SLC30A10: variants seen among roughly 807,000 people sequenced by gnomAD.
SLC30A10 encodes the protein calcium/manganese antiporter SLC30A10.
SLC30A10 carries 8 observed loss-of-function variants against 21.7 expected under a neutral mutation model. That is an observed-to-expected ratio of 0.37 (90% CI 0.22 to 0.67). The LOEUF is 0.67. Among genes scored for constraint, SLC30A10 ranks in the 30% least tolerant of loss-of-function variants. The pLI is 0.58. For missense variants in SLC30A10, 521 were observed against 642.5 expected (o/e 0.81, Z 2.04); for synonymous variants, 272 against 279.4 (o/e 0.97, Z 0.26).
In SLC30A10 at chr1:219,911,350, G is replaced by A. The variant is rs948409329; in HGVS notation, c.*4099C>T. 2.0e-5 allele frequency among the ~76,000 whole-genome samples: 3 copies of A among 151,830 alleles called. No homozygotes were observed. Among genetic ancestry groups the A allele is most frequent in the African/African-American group, 7.3e-5 (3 of 41,372 alleles). ...CTTGTCATTAGCACTAAGATGAGCT[G>A]CTTACCAGGAACTAAGAAGAATTAA... On this transcript the variant is annotated 3_prime_UTR_variant, in exon 4 of 4. Coordinates refer to ENST00000366926, the MANE Select transcript of SLC30A10 (RefSeq NM_018713.3).
intron 1 of SLC30A10, among the ~76,000 whole-genome samples, chr1:219,942,073 G>A (rs1339008680): frequency 6.6e-6 from 1 of 152,186 alleles, no homozygotes; most frequent in Non-Finnish European, 1.5e-5. Context: ...CTGGTTTATA[G>A]TAAGTGCTAA....
chr1:219,956,303 A>G (rs72740992), intron 1 of SLC30A10, among the ~76,000 whole-genome samples: 14,367 of 152,130 alleles, frequency 0.094, 997 homozygotes, highest in Non-Finnish European at 0.15. Context: ...CCTCAAGTCT[A>G]GGATTACAGG....
chr1:219,921,491 T>C (rs1659674848), intron 2 of SLC30A10, among the ~76,000 whole-genome samples: 1 of 152,178 alleles, frequency 6.6e-6, no homozygotes, highest in Non-Finnish European at 1.5e-5. Context: ...AATCCCACTA[T>C]TACCCCCTAA....
chr1:219,918,259 C>A lies in SLC30A10; in HGVS notation c.954G>T (p.Glu318Asp). Residue 318 changes from glutamate (E) to aspartate (D), a missense_variant, in exon 3 of 4, where the codon GAG becomes GAT. Glu to Asp is a conservative substitution (Grantham distance 45). Transcript: ENST00000366926. The surrounding 1 kb of genome is among the most constrained non-coding windows in gnomAD (Gnocchi z 4.4). The part of the protein sequence containing the change: ...QMVPKGVNME[E>D]LMSKLSAVPG... ...ATCAAAATTCAGTCTACTTACTCAGCTCTTCCATGTTGACTCCTTTTGGGA... is the reference window on the plus strand; with the variant it reads ...ATCAAAATTCAGTCTACTTACTCAGATCTTCCATGTTGACTCCTTTTGGGA... 1 of 1,613,722 alleles carries A rather than the reference C, an allele frequency of 6.2e-7. No individual in the cohort carries two copies. The highest frequency in any genetic ancestry group is 8.5e-7 in the Non-Finnish European group (1 of 1,179,838).
At chr1:219,925,651 A>ATATATATCTTTTTT (rs1317554458) in intron 2 of SLC30A10, among the ~76,000 whole-genome samples, 1 of 48,284 alleles carries the variant, frequency 2.1e-5, no homozygotes, top group Non-Finnish European at 3.2e-5. Context: ...ATATATATAT[A>ATATATATCTTTTTT]TTTTTTTTTT....
intron 1 of SLC30A10, among the ~76,000 whole-genome samples, chr1:219,947,423 C>G (rs952333303): frequency 2.2e-4 from 33 of 152,140 alleles, no homozygotes; most frequent in Non-Finnish European, 3.8e-4. Context: ...GTCTTGGCTA[C>G]TTAAGAGGCT....
chr1:219,942,988 T>C (rs1192110955), intron 1 of SLC30A10, among the ~76,000 whole-genome samples: 2 of 152,160 alleles, frequency 1.3e-5, no homozygotes, highest in Non-Finnish European at 2.9e-5. Flanking sequence ...GAGGTTTCGA[T>C]GAGCTGAGAT....
At chr1:219,941,404 G>A (rs1046511610) in intron 1 of SLC30A10, among the ~76,000 whole-genome samples, 1 of 152,234 alleles carries the variant, frequency 6.6e-6, no homozygotes, top group Non-Finnish European at 1.5e-5. Flanking sequence ...AGTCACAGCA[G>A]TGAGTATAGA....
upstream of SLC30A10, among the ~76,000 whole-genome samples, chr1:219,929,176 G>C (rs77061858): frequency 6.1e-4 from 93 of 152,266 alleles, 1 homozygote; most frequent in East Asian, 0.015. Flanking sequence ...CATTATAAAC[G>C]GTGCAGGATC....
intron 1 of SLC30A10, among the ~76,000 whole-genome samples, chr1:219,947,236 A>G (rs1365426805): frequency 6.6e-6 from 1 of 152,194 alleles, no homozygotes; most frequent in Non-Finnish European, 1.5e-5. Flanking sequence ...TACTTTATCA[A>G]AAACTACATC....
intron 1 of SLC30A10, among the ~76,000 whole-genome samples, chr1:219,951,561 A>T (rs916570714): frequency 2.0e-5 from 3 of 151,690 alleles, no homozygotes; most frequent in Non-Finnish European, 4.4e-5. Flanking sequence ...CTCTACTAAA[A>T]ATACAAAAAA....
At chr1:219,933,101 A>C (rs890528778), upstream of SLC30A10, among the ~76,000 whole-genome samples, 1 of 151,818 alleles carries the variant, frequency 6.6e-6, no homozygotes, top group Non-Finnish European at 1.5e-5. Context: ...ATAGTGGTCA[A>C]TACTAATTTG....
At chr1:219,948,155 A>G (rs1311703869) in intron 1 of SLC30A10, among the ~76,000 whole-genome samples, 2 of 151,468 alleles carry the variant, frequency 1.3e-5, no homozygotes, top group Non-Finnish European at 2.9e-5. Flanking sequence ...ATGGGTAGGA[A>G]GAATCAATAT....
intron 1 of SLC30A10, among the ~76,000 whole-genome samples, chr1:219,935,558 C>T (rs1261994173): frequency 6.6e-6 from 1 of 152,242 alleles, no homozygotes; most frequent in African/African-American, 2.4e-5. Flanking sequence ...GCAAGTCACT[C>T]AACTTCTGAG....
upstream of SLC30A10, among the ~76,000 whole-genome samples, chr1:219,929,069 A>G (rs981867138): frequency 4.1e-4 from 63 of 152,102 alleles, 2 homozygotes; most frequent in Non-Finnish European, 2.9e-5. Flanking sequence ...CCTGCTTTTC[A>G]TTTCGTGAAA....
chr1:219,952,695 C>G (rs896207563), intron 1 of SLC30A10, among the ~76,000 whole-genome samples: 4 of 152,134 alleles, frequency 2.6e-5, no homozygotes, highest in Non-Finnish European at 4.4e-5. Flanking sequence ...ATTATTCTCT[C>G]TATACTCTGA....
In SLC30A10 at chr1:219,910,541, A is replaced by G. The variant is rs910498523; in HGVS notation, c.*4908T>C. Among the ~76,000 whole-genome samples the G allele has an allele frequency of 6.6e-6, 1 of 152,232 alleles. No individual in the cohort carries two copies. Among genetic ancestry groups the G allele is most frequent in the African/African-American group, 2.4e-5 (1 of 41,444 alleles). On this transcript the variant is annotated 3_prime_UTR_variant, in exon 4 of 4. Coordinates refer to ENST00000366926, the MANE Select transcript of SLC30A10 (RefSeq NM_018713.3). Reference sequence around the variant, plus strand: ...CTGGGGGATTCACATGCAATTATTAATGAGTTATTTAAACTTTATGTCTTA... The same window carrying G: ...CTGGGGGATTCACATGCAATTATTAGTGAGTTATTTAAACTTTATGTCTTA...
At chr1:219,933,543 C>T (rs1249582841), upstream of SLC30A10, among the ~76,000 whole-genome samples, 1 of 152,136 alleles carries the variant, frequency 6.6e-6, no homozygotes, top group Non-Finnish European at 1.5e-5. Context: ...CTTTCCTCAC[C>T]TGTGAAATAG....
intron 2 of SLC30A10, among the ~76,000 whole-genome samples, chr1:219,924,010 A>G (rs7515872): frequency 0.45 from 68,090 of 152,138 alleles, 15,407 homozygotes; most frequent in South Asian, 0.52. Flanking sequence ...GTGGTGAGTC[A>G]ATACCACGAC....
Sources: allele counts gnomAD v4.1 joint callset (sites outside exome capture counted in the v4.1 genomes callset), GRCh38; gene constraint gnomAD v4.1.1; non-coding constraint Gnocchi (gnomAD v3.1); transcripts MANE v1.5; gene names NCBI Gene and HGNC (gene_info 2026-07-23, HGNC 2026-07-21).